NT5C3A: variants seen among roughly 807,000 people sequenced by gnomAD.
NT5C3A encodes the protein cytosolic 5'-nucleotidase 3A.
NT5C3A carries 23 observed loss-of-function variants against 40.0 expected under a neutral mutation model. The observed-to-expected ratio is 0.58, with a 90% CI of 0.41 to 0.81. The LOEUF is 0.81. Ranked by LOEUF, NT5C3A falls within the 40% of genes least tolerant of loss-of-function variation. The pLI is 0.00. For synonymous variants in NT5C3A, 130 were observed against 141.4 expected (o/e 0.92, Z 0.57); for missense variants, 328 against 403.0 (o/e 0.81, Z 1.59).
At chr7:33,050,987 T>C (rs184096846) in intron 1 of NT5C3A, among the ~76,000 whole-genome samples, 1 of 152,318 alleles carries the variant, frequency 6.6e-6, no homozygotes, top group African/African-American at 2.4e-5. Context: ...AAAAAAAACC[T>C]ATCAGGTATG....
At chr7:33,026,969 C>A in intron 1 of NT5C3A, 54 bp from the exon 2 acceptor site, 1 of 1,190,778 alleles carries the variant, frequency 8.4e-7, no homozygotes, top group Non-Finnish European at 1.2e-6. Flanking sequence ...TCCCCAGGTT[C>A]CTTTGATACC....
chr7:33,016,100 G>C (rs1785310878), intron 7 of NT5C3A, among the ~76,000 whole-genome samples: 1 of 152,274 alleles, frequency 6.6e-6, no homozygotes, highest in Admixed American at 6.5e-5. Flanking sequence ...CAAAGGCCGG[G>C]CGCAGGGGCT....
chr7:33,017,806 C>A (rs991814351), intron 6 of NT5C3A, among the ~76,000 whole-genome samples: 1 of 152,216 alleles, frequency 6.6e-6, no homozygotes, highest in Admixed American at 6.5e-5. Flanking sequence ...TCCCTTTAAT[C>A]AATTCTAATA....
intron 1 of NT5C3A, among the ~76,000 whole-genome samples, chr7:33,035,649 C>T (rs1052534726): frequency 7.9e-5 from 12 of 152,066 alleles, no homozygotes; most frequent in African/African-American, 2.4e-4. Flanking sequence ...TCACACTGTA[C>T]GATTTAAGTG....
chr7:33,031,347 G>A (rs1399452563), intron 1 of NT5C3A, among the ~76,000 whole-genome samples: 1 of 151,994 alleles, frequency 6.6e-6, no homozygotes, highest in Non-Finnish European at 1.5e-5. Flanking sequence ...CAGCACTTTA[G>A]GAGGCCGAGG....
At chr7:33,017,843 C>T in intron 6 of NT5C3A, among the ~76,000 whole-genome samples, 1 of 152,162 alleles carries the variant, frequency 6.6e-6, no homozygotes, top group East Asian at 1.9e-4. Context: ...TTTAAGCTTT[C>T]ACTGAATATG....
intron 1 of NT5C3A, among the ~76,000 whole-genome samples, chr7:33,049,969 C>CAAAAAAAAAAA (rs61035673): frequency 3.4e-5 from 2 of 58,454 alleles, no homozygotes; most frequent in African/African-American, 1.1e-4. Context: ...GACTCCATCT[C>CAAAAAAAAAAA]AAAAAAAAAA....
In NT5C3A at chr7:33,029,387, C is replaced by A. The variant is rs1424007334; in HGVS notation, c.139-2472G>T. On this transcript the variant is annotated intron_variant, in intron 1 of 8. Transcript: ENST00000610140. The stretch of plus-strand genomic sequence containing the variant: ...TGCTTTTCTGCTGAGTTTTAGGGAC[C>A]ACTGCTGTTTTGGAATATCACTTCT... 5.3e-5 allele frequency: 17 copies of A among 322,084 alleles called. No homozygotes were observed. The East Asian group carries it at 1.4e-3, about 26-fold the overall frequency. The allele number at this position is 322,084 out of a possible 1,614,324, so 20.0% of individuals were successfully genotyped here. A position where few individuals can be genotyped will look rare whatever the true frequency, so the allele number is the denominator to read the frequency against.
intron 5 of NT5C3A, among the ~76,000 whole-genome samples, chr7:33,020,026 AT>A (rs1482069311): frequency 6.6e-6 from 1 of 152,192 alleles, no homozygotes; most frequent in Non-Finnish European, 1.5e-5. Context: ...AACCCAACCT[AT>A]GGAAGCATAA....
intron 5 of NT5C3A, 84 bp downstream of exon 5, chr7:33,021,188 A>C: frequency 6.4e-7 from 1 of 1,567,428 alleles, no homozygotes; most frequent in South Asian, 1.2e-5. Flanking sequence ...TTTGCAATAC[A>C]GGTAAAAAAT....
chr7:33,054,265 G>A (rs1314773570), intron 1 of NT5C3A, among the ~76,000 whole-genome samples: 1 of 151,552 alleles, frequency 6.6e-6, no homozygotes, highest in Non-Finnish European at 1.5e-5. Context: ...GAAGTAGGAG[G>A]ATCACTTGAG....
Position 33,033,895 on chromosome 7 carries a change from A to T in NT5C3A, c.139-6980T>A, listed in dbSNP as rs1440137848. 5.8e-5 allele frequency among the ~76,000 whole-genome samples: 8 copies of T among 137,170 alleles called. No individual in the cohort carries two copies. In the East Asian group the frequency reaches 1.5e-3, roughly 25 times the overall value. 90.0% of individuals were successfully genotyped at this position (137,170 alleles called of 152,430 possible). A position where few individuals can be genotyped will look rare whatever the true frequency, so the allele number is the denominator to read the frequency against. ...TAAAAGACATATATATATATATATA[A>T]TTTTTTTTTTTTTTGAGAGGGAGTC... On this transcript the variant is annotated intron_variant, in intron 1 of 8. Transcript: ENST00000610140.
chr7:33,041,081 T>TA, intron 1 of NT5C3A: 1 of 985,038 alleles, frequency 1.0e-6, no homozygotes, highest in Non-Finnish European at 1.2e-6. Flanking sequence ...TCAATCTACA[T>TA]AACATTATCA....
rs1029040542 is a variant in NT5C3A at position 33,026,503 on chromosome 7, C to A, written c.237+314G>T. ...CCAAGTAGCTGGGATTACAGGCATGCGCCACCAGGCCCGGCTAATTTTTGT... is the reference window on the plus strand; with the variant it reads ...CCAAGTAGCTGGGATTACAGGCATGAGCCACCAGGCCCGGCTAATTTTTGT... On this transcript the variant is annotated intron_variant, in intron 2 of 8. Coordinates refer to ENST00000610140, the MANE Select transcript of NT5C3A (RefSeq NM_001002010.5). Among the ~76,000 whole-genome samples, 3 of 151,802 alleles carry A rather than the reference C, an allele frequency of 2.0e-5. 1 individual carries two copies. The South Asian group carries it at 6.2e-4, about 32-fold the overall frequency.
intron 1 of NT5C3A, among the ~76,000 whole-genome samples, chr7:33,029,001 AAAAG>A (rs1006885138): frequency 5.3e-5 from 8 of 152,166 alleles, no homozygotes; most frequent in Non-Finnish European, 8.8e-5. Flanking sequence ...CTTGAAAAAA[AAAAG>A]AAAGTGTAGA....
At chr7:33,036,133 GTTTAT>G in intron 1 of NT5C3A, 1 of 681,438 alleles carries the variant, frequency 1.5e-6, no homozygotes, top group Non-Finnish European at 2.6e-6. Flanking sequence ...TTTTAAAAAT[GTTTAT>G]TTTATGTACA....
rs572060959 is a variant in NT5C3A, at chr7:33,022,047, G to T, written c.354+6C>A. On this transcript the variant is annotated splice_donor_region_variant and intron_variant, in intron 4 of 8. Transcript: ENST00000610140. ...TGAGTGACTATAGATTGTTGTTAGT[G>T]TTTACCTTTTTTCTACATTCATCTG... 95 of 1,492,464 alleles carry T rather than the reference G, an allele frequency of 6.4e-5. 1 individual carries two copies. The South Asian group carries it at 1.0e-3, about 16-fold the overall frequency. 92.5% of individuals were successfully genotyped at this position (1,492,464 alleles called of 1,614,324 possible). A position where few individuals can be genotyped will look rare whatever the true frequency, so the allele number is the denominator to read the frequency against.
chr7:33,055,636 C>T (rs561304555), intron 1 of NT5C3A, among the ~76,000 whole-genome samples: 4 of 152,158 alleles, frequency 2.6e-5, no homozygotes, highest in African/African-American at 9.7e-5. Flanking sequence ...GACCATCTCA[C>T]GACCATGAAG....
In NT5C3A at chr7:33,014,134, A is replaced by G. The variant is rs1328489907; in HGVS notation, c.*596T>C. 6.9e-6 allele frequency: 3 copies of G among 432,306 alleles called. No individual in the cohort carries two copies. The highest frequency in any genetic ancestry group is 5.0e-5 in the South Asian group (3 of 59,934). 26.8% of individuals were successfully genotyped at this position (432,306 alleles called of 1,614,324 possible). ...AAGATAGTTTTGACCATAGAATTAA[A>G]AAGGTTTTGCATTTCATATTTATTA... On this transcript the variant is annotated 3_prime_UTR_variant, in exon 9 of 9. Transcript: ENST00000610140.
Sources: gnomAD v4.1 joint callset for allele counts (sites outside exome capture counted in the v4.1 genomes callset) on GRCh38, gnomAD v4.1.1 for gene constraint, MANE v1.5 for transcripts, NCBI Gene and HGNC (gene_info 2026-07-23, HGNC 2026-07-21) for gene names.